Variants in TCF4 observed in about 807,000 individuals in gnomAD.
TCF4 encodes the protein transcription factor 4.
TCF4 carries 3 observed loss-of-function variants against 82.1 expected under a neutral mutation model. The ratio of observed to expected loss-of-function variants is 0.04; its 90% CI spans 0.02 to 0.09. The LOEUF (loss-of-function observed/expected upper bound fraction) is 0.09, where lower values mean the gene tolerates loss of function less well. Among genes scored for constraint, TCF4 ranks in the 10% least tolerant of loss-of-function variants. The pLI is 1.00. For synonymous variants in TCF4, 276 were observed against 309.6 expected (o/e 0.89, Z 1.14); for missense variants, 518 against 852.7 (o/e 0.61, Z 4.89).
chr18:55,382,207 G>A (rs574767377), intron 6 of TCF4, among the ~76,000 whole-genome samples: 1 of 152,174 alleles, frequency 6.6e-6, no homozygotes, highest in Non-Finnish European at 1.5e-5. Context: ...CTGGGAGGGT[G>A]AGCTCCATGC....
At chr18:55,492,199 T>C (rs1040425329) in intron 3 of TCF4, 1 of 152,126 alleles carries the variant, frequency 6.6e-6, no homozygotes, top group Non-Finnish European at 1.5e-5. Flanking sequence ...CCAATAATCA[T>C]CACAGGAATA....
At chr18:55,378,534 C>T (rs548965726) in intron 6 of TCF4, among the ~76,000 whole-genome samples, 1 of 152,110 alleles carries the variant, frequency 6.6e-6, no homozygotes, top group African/African-American at 2.4e-5. Flanking sequence ...GATGAGGAGA[C>T]TTAGGTATAG....
chr18:55,403,204 T>C (rs567119768), intron 6 of TCF4, among the ~76,000 whole-genome samples: 2 of 152,272 alleles, frequency 1.3e-5, no homozygotes, highest in South Asian at 4.1e-4. Flanking sequence ...ACAGTGCCAC[T>C]GGTACCGGCT....
chr18:55,569,256 CAAT>C (rs1259240595), intron 3 of TCF4, among the ~76,000 whole-genome samples: 4 of 144,972 alleles, frequency 2.8e-5, no homozygotes, highest in African/African-American at 1.0e-4. Flanking sequence ...AAGGAAAAAA[CAAT>C]AAAATTGTCT....
rs571994495 is a variant in TCF4, at chr18:55,436,145, T to C, written c.304+24874A>G. ...CTTAAAATCCAATTATGCAATATGT[T>C]TTGAGTCTTTCCAAAAGTTATGGGT... is the stretch of plus-strand genomic sequence containing the variant. On this transcript the variant is annotated intron_variant, in intron 5 of 19. Coordinates refer to ENST00000354452, the MANE Select transcript of TCF4 (RefSeq NM_001083962.2). 1.6e-3 allele frequency among the ~76,000 whole-genome samples: 246 copies of C among 152,342 alleles called. 1 individual carries two copies. Among genetic ancestry groups the C allele is most frequent in the Middle Eastern group, 3.4e-3 (1 of 294 alleles).
chr18:55,463,970 G>GTT, intron 4 of TCF4, 106 bp downstream of exon 4: 3 of 611,508 alleles, frequency 4.9e-6, no homozygotes, highest in Non-Finnish European at 8.2e-6. Context: ...GTGTGTGTGT[G>GTT]TGTGTGTGAG....
At chr18:55,433,396 A>C (rs1033464001) in intron 5 of TCF4, among the ~76,000 whole-genome samples, 9 of 152,240 alleles carry the variant, frequency 5.9e-5, no homozygotes, top group Non-Finnish European at 1.0e-4. Context: ...GATTAGGATA[A>C]TATCAATAAA....
chr18:55,340,170 T>C (rs1160481687), intron 8 of TCF4, among the ~76,000 whole-genome samples: 2 of 152,176 alleles, frequency 1.3e-5, no homozygotes, highest in Admixed American at 1.3e-4. Context: ...AAAAAGCACG[T>C]ATCTCCTTAT....
At chr18:55,381,171 A>G (rs1333035556) in intron 6 of TCF4, among the ~76,000 whole-genome samples, 1 of 152,230 alleles carries the variant, frequency 6.6e-6, no homozygotes, top group Non-Finnish European at 1.5e-5. Context: ...TAAATCTAAA[A>G]ATGTTATTTA....
chr18:55,295,683 T>C (rs1344548025), intron 8 of TCF4, among the ~76,000 whole-genome samples: 2 of 152,228 alleles, frequency 1.3e-5, no homozygotes, highest in Admixed American at 6.5e-5. Flanking sequence ...AGTCGCTTTT[T>C]GATCAGGCCA....
chr18:55,279,505 A>G, intron 9 of TCF4, 46 bp downstream of exon 9: 6 of 1,612,642 alleles, frequency 3.7e-6, no homozygotes, highest in Middle Eastern at 1.7e-4. Flanking sequence ...GTGACCCAGG[A>G]AAATGCTATC....
intron 8 of TCF4, among the ~76,000 whole-genome samples, chr18:55,318,285 C>T (rs969327023): frequency 3.3e-5 from 5 of 152,016 alleles, no homozygotes; most frequent in Non-Finnish European, 7.4e-5. Context: ...GCTAGAACTA[C>T]ACTTATTGGA....
chr18:55,339,970 T>C (rs559879462), intron 8 of TCF4, among the ~76,000 whole-genome samples: 33 of 152,298 alleles, frequency 2.2e-4, no homozygotes, highest in African/African-American at 7.7e-4. Flanking sequence ...GTTTACTTTA[T>C]AAAAGAAACA....
chr18:55,525,136 C>T (rs757856448), intron 3 of TCF4, among the ~76,000 whole-genome samples: 2 of 151,894 alleles, frequency 1.3e-5, no homozygotes, highest in African/African-American at 2.4e-5. Flanking sequence ...GCTTTCTTAA[C>T]TACTATATCA....
chr18:55,257,168 T>C (rs2145591969), intron 14 of TCF4, 147 bp downstream of exon 14: 4 of 784,866 alleles, frequency 5.1e-6, no homozygotes, highest in East Asian at 5.3e-5. Flanking sequence ...CATAGGCTAA[T>C]GACTCTGGCT....
chr18:55,607,922 A>G (rs2097703594), intron 2 of TCF4, among the ~76,000 whole-genome samples: 1 of 152,178 alleles, frequency 6.6e-6, no homozygotes, highest in African/African-American at 2.4e-5. Context: ...GACAAATACA[A>G]TTTCCCTGCC....
rs1030693665 is a variant in TCF4, at chr18:55,533,827, T to C, written c.145+51453A>G. On this transcript the variant is annotated intron_variant, in intron 3 of 19. Transcript: ENST00000354452. The stretch of plus-strand genomic sequence containing the variant: ...CATGTTTCTGTGTTCTTCTTCCCTG[T>C]ACCTCCACCTCTTATCGTCTCATCT... Among the ~76,000 whole-genome samples the C allele has an allele frequency of 1.4e-4, 21 of 152,340 alleles. 1 individual carries two copies. Among genetic ancestry groups the C allele is most frequent in the Admixed American group, 1.2e-3 (18 of 15,298 alleles).
intron 8 of TCF4, among the ~76,000 whole-genome samples, chr18:55,340,745 T>C (rs533156075): frequency 1.6e-4 from 24 of 152,316 alleles, no homozygotes; most frequent in African/African-American, 5.8e-4. Flanking sequence ...GTTTCTCAAA[T>C]GCCAAATGAA....
intron 6 of TCF4, among the ~76,000 whole-genome samples, chr18:55,365,159 ATATAT>A: frequency 2.5e-5 from 1 of 40,198 alleles, no homozygotes; most frequent in Admixed American, 2.4e-4. Flanking sequence ...TCTCCAAAAT[ATATAT>A]ATATATATAT....
Sources: gnomAD v4.1 joint callset for allele counts (sites outside exome capture counted in the v4.1 genomes callset) on GRCh38, gnomAD v4.1.1 for gene constraint, MANE v1.5 for transcripts, NCBI Gene and HGNC (gene_info 2026-07-23, HGNC 2026-07-21) for gene names.